MGAT4C: variants seen among roughly 807,000 people sequenced by gnomAD.
MGAT4C encodes the protein alpha-1,3-mannosyl-glycoprotein 4-beta-N-acetylglucosaminyltransferase C.
A neutral mutation model predicts 40.1 loss-of-function variants in MGAT4C; 19 were observed. The ratio of observed to expected loss-of-function variants is 0.47; its 90% CI spans 0.33 to 0.70. The LOEUF (loss-of-function observed/expected upper bound fraction) is 0.70. Ranked by LOEUF, MGAT4C falls within the 30% of genes least tolerant of loss-of-function variation. The pLI is 0.02. For synonymous variants in MGAT4C, 181 were observed against 187.1 expected, an observed-to-expected ratio of 0.97 and a Z score of 0.27; for missense variants, 491 against 563.2, an observed-to-expected ratio of 0.87 and a Z score of 1.30.
chr12:86,778,318 AAAGAG>A (rs1286384525), intron 1 of MGAT4C, among the ~76,000 whole-genome samples: 1 of 152,214 alleles, frequency 6.6e-6, no homozygotes, highest in African/African-American at 2.4e-5. Flanking sequence ...CTGCGTAAAT[AAAGAG>A]AAGATGTATA....
chr12:86,019,863 T>G (rs1423422088), intron 2 of MGAT4C, among the ~76,000 whole-genome samples: 1 of 152,164 alleles, frequency 6.6e-6, no homozygotes, highest in African/African-American at 2.4e-5. Context: ...CTCTTTTATT[T>G]CATTGAGCAG....
chr12:86,374,726 C>T (rs1392990491), intron 3 of MGAT4C, among the ~76,000 whole-genome samples: 4 of 152,112 alleles, frequency 2.6e-5, no homozygotes, highest in Non-Finnish European at 5.9e-5. Context: ...GAAAATGAAG[C>T]ATTCCTTCAG....
intron 4 of MGAT4C, among the ~76,000 whole-genome samples, chr12:86,276,745 C>A (rs535040030): frequency 6.6e-6 from 1 of 152,262 alleles, no homozygotes; most frequent in African/African-American, 2.4e-5. Context: ...TCCATCCATG[C>A]CGTTGCAAAT....
At chr12:86,678,752 T>C (rs1339279596) in intron 2 of MGAT4C, among the ~76,000 whole-genome samples, 11 of 152,020 alleles carry the variant, frequency 7.2e-5, no homozygotes, top group South Asian at 2.1e-4. Flanking sequence ...CTACAAAGGA[T>C]GTGAACTCAT....
intron 1 of MGAT4C, among the ~76,000 whole-genome samples, chr12:86,752,796 A>G (rs532671392): frequency 6.6e-6 from 1 of 152,252 alleles, no homozygotes; most frequent in South Asian, 2.1e-4. Flanking sequence ...AAGGCACTTC[A>G]TTGAACAAAT....
rs1025781712 is a variant in MGAT4C, at chr12:86,708,590, C to G, written c.-229+18619G>C. On this transcript the variant is annotated intron_variant, in intron 2 of 7. Transcript: ENST00000548651. ...TGCACCCAGAAAAGCCACAGACACT[C>G]AGCGCTAGCCTTTGAAAGCAGCCAG... Among the ~76,000 whole-genome samples the G allele has an allele frequency of 4.6e-5, 7 of 152,220 alleles. No homozygotes were observed. In the East Asian group the frequency reaches 1.4e-3, roughly 30 times the overall value.
At chr12:86,507,674 G>A (rs1958494573) in intron 2 of MGAT4C, among the ~76,000 whole-genome samples, 1 of 152,152 alleles carries the variant, frequency 6.6e-6, no homozygotes, top group African/African-American at 2.4e-5. Context: ...GAGTAAGCAA[G>A]ATATAAATGT....
intron 2 of MGAT4C, among the ~76,000 whole-genome samples, chr12:86,508,323 CT>C (rs974229812): frequency 2.8e-4 from 42 of 151,704 alleles, no homozygotes; most frequent in African/African-American, 1.0e-3. Context: ...GTTTTTTGTT[CT>C]TGTGATAGTT....
At chr12:86,655,286 C>T (rs1243704539) in intron 2 of MGAT4C, among the ~76,000 whole-genome samples, 4 of 151,984 alleles carry the variant, frequency 2.6e-5, no homozygotes, top group East Asian at 1.9e-4. Flanking sequence ...AAATACTATG[C>T]GGTTCTTAAT....
intron 2 of MGAT4C, among the ~76,000 whole-genome samples, chr12:86,616,303 G>A (rs913901290): frequency 1.3e-5 from 2 of 152,002 alleles, no homozygotes; most frequent in African/African-American, 4.8e-5. Context: ...AGATATCTGT[G>A]TTTTGCAAAA....
intron 2 of MGAT4C, among the ~76,000 whole-genome samples, chr12:86,644,948 G>A (rs535254763): frequency 5.8e-4 from 88 of 151,696 alleles, no homozygotes; most frequent in African/African-American, 1.9e-3. Flanking sequence ...GTACGGTTAC[G>A]TAACCACTGA....
At chr12:86,377,134 C>T (rs1216892933) in intron 3 of MGAT4C, among the ~76,000 whole-genome samples, 1 of 150,196 alleles carries the variant, frequency 6.7e-6, no homozygotes, top group Non-Finnish European at 1.5e-5. Flanking sequence ...GATCTCCGCT[C>T]ACTGCAACCT....
At chr12:86,819,857 C>T (rs562099927) in intron 1 of MGAT4C, among the ~76,000 whole-genome samples, 1 of 143,288 alleles carries the variant, frequency 7.0e-6, no homozygotes, top group African/African-American at 2.4e-5. Context: ...ATGTCTAGTT[C>T]CAAACATGGA....
rs112222286 is a variant in MGAT4C at position 86,041,138 on chromosome 12, A to AT, written c.-7+8535dup. ...CTTTTCTTATTCAGCCATCTTGCCC[A>AT]TTTTTTTTTTTCCTGTTAGCTCAGT... is the stretch of plus-strand genomic sequence containing the variant. On this transcript the variant is annotated intron_variant, in intron 2 of 4. Transcript: ENST00000611864. Among the ~76,000 whole-genome samples, 165 of 145,428 alleles carry AT rather than the reference A, an allele frequency of 1.1e-3. 1 individual carries two copies. The highest frequency in any genetic ancestry group is 7.2e-3 in the Admixed American group (105 of 14,602).
At chr12:86,574,158 G>A (rs368274549) in intron 2 of MGAT4C, among the ~76,000 whole-genome samples, 1 of 151,356 alleles carries the variant, frequency 6.6e-6, no homozygotes, top group Non-Finnish European at 1.5e-5. Flanking sequence ...CATAATTATG[G>A]TATGGATATC....
chr12:86,528,269 C>T (rs761201037), intron 2 of MGAT4C, among the ~76,000 whole-genome samples: 40 of 152,052 alleles, frequency 2.6e-4, no homozygotes, highest in Non-Finnish European at 5.6e-4. Flanking sequence ...TAATGTTGGT[C>T]TCAAGCTTGC....
chr12:86,058,751 G>A (rs1358839507), intron 1 of MGAT4C, among the ~76,000 whole-genome samples: 5 of 152,026 alleles, frequency 3.3e-5, no homozygotes, highest in African/African-American at 1.2e-4. Flanking sequence ...TAGTAAAAAA[G>A]TAAGAGTTAA....
At chr12:86,758,396 A>G (rs1046182763) in intron 1 of MGAT4C, among the ~76,000 whole-genome samples, 1 of 151,246 alleles carries the variant, frequency 6.6e-6, no homozygotes, top group African/African-American at 2.4e-5. Flanking sequence ...TTTTTAAAAA[A>G]AAGAAACTAA....
chr12:86,532,601 T>C (rs1219946480), intron 2 of MGAT4C, among the ~76,000 whole-genome samples: 1 of 152,032 alleles, frequency 6.6e-6, no homozygotes, highest in Non-Finnish European at 1.5e-5. Context: ...AAGCTGTTAC[T>C]GCCTCATGTA....
Sources: allele counts gnomAD v4.1 joint callset (sites outside exome capture counted in the v4.1 genomes callset), GRCh38; gene constraint gnomAD v4.1.1; transcripts MANE v1.5; gene names NCBI Gene and HGNC (gene_info 2026-07-23, HGNC 2026-07-21).